The following PHF21A variants were observed in gnomAD, a reference collection of about 807,000 sequenced individuals.
The protein encoded by PHF21A is BHC80a.
Under a neutral mutation model 82.5 loss-of-function variants are expected in PHF21A, and 11 were observed. The observed-to-expected ratio is 0.13, with a 90% CI of 0.08 to 0.22. PHF21A has a LOEUF of 0.22. PHF21A is among the 10% of genes least tolerant of loss of function. The pLI is 1.00. For missense variants in PHF21A, 579 were observed against 837.8 expected, an observed-to-expected ratio of 0.69 and a Z score of 3.81; for synonymous variants, 297 against 302.8, an observed-to-expected ratio of 0.98 and a Z score of 0.20.
At chr11:46,108,571 A>G (rs906174108) in intron 1 of PHF21A, among the ~76,000 whole-genome samples, 2 of 135,978 alleles carry the variant, frequency 1.5e-5, no homozygotes, top group African/African-American at 5.2e-5. Flanking sequence ...GTGTGTGTAT[A>G]TATATATATA....
chr11:45,939,320 C>T (rs778711141), intron 15 of PHF21A, among the ~76,000 whole-genome samples: 4 of 152,242 alleles, frequency 2.6e-5, no homozygotes, highest in Non-Finnish European at 1.5e-5. Flanking sequence ...TTCTCATCAC[C>T]TATCAATTCT....
chr11:45,980,479 G>A lies in PHF21A; in HGVS notation c.154-513C>T, dbSNP rs377667851. Among the ~76,000 whole-genome samples, 9 of 152,314 alleles carry A rather than the reference G, an allele frequency of 5.9e-5. No individual in the cohort carries two copies. The East Asian group carries it at 1.5e-3, about 26-fold the overall frequency. On this transcript the variant is annotated intron_variant, in intron 6 of 18. Transcript: ENST00000676320. ...TGTTATATGGAAAGTACTCAGAACT[G>A]TGATTGGCACATTGTTGATCATTAT...
intron 10 of PHF21A, 42 bp downstream of exon 10, chr11:45,965,273 G>T: frequency 6.3e-7 from 1 of 1,576,946 alleles, no homozygotes; most frequent in Non-Finnish European, 8.7e-7. Flanking sequence ...ATGCCTCAAC[G>T]ACAAGGCTAC....
intron 6 of PHF21A, among the ~76,000 whole-genome samples, chr11:46,012,097 C>T (rs967692016): frequency 6.6e-5 from 10 of 152,170 alleles, no homozygotes; most frequent in East Asian, 3.9e-4. Flanking sequence ...CTGAGCTGTT[C>T]ATTACTACCG....
chr11:46,058,087 A>C (rs1401717429), intron 6 of PHF21A, among the ~76,000 whole-genome samples: 1 of 152,198 alleles, frequency 6.6e-6, no homozygotes, highest in Non-Finnish European at 1.5e-5. Flanking sequence ...TTAAATGTGA[A>C]GGATCTCACT....
At chr11:46,022,282 C>A (rs1224091585) in intron 6 of PHF21A, among the ~76,000 whole-genome samples, 1 of 151,996 alleles carries the variant, frequency 6.6e-6, no homozygotes, top group Non-Finnish European at 1.5e-5. Context: ...GCAAGACCCC[C>A]ATTTCTACAA....
chr11:46,058,220 A>G (rs773755538), intron 6 of PHF21A, among the ~76,000 whole-genome samples: 10 of 152,254 alleles, frequency 6.6e-5, no homozygotes, highest in Non-Finnish European at 1.2e-4. Flanking sequence ...TTAGATGTCA[A>G]GTATTATAAC....
At chr11:45,958,289 T>C (rs184161376) in intron 10 of PHF21A, among the ~76,000 whole-genome samples, 9 of 143,002 alleles carry the variant, frequency 6.3e-5, no homozygotes, top group Admixed American at 5.8e-4. Flanking sequence ...CACCAAAGAA[T>C]AGAAAATGGG....
intron 6 of PHF21A, among the ~76,000 whole-genome samples, chr11:46,005,239 T>A (rs955210979): frequency 6.6e-6 from 1 of 152,164 alleles, no homozygotes; most frequent in Non-Finnish European, 1.5e-5. Context: ...ACACCTGACC[T>A]CAAGTGATAG....
chr11:46,100,039 A>G (rs546319825), intron 1 of PHF21A, among the ~76,000 whole-genome samples: 10 of 152,224 alleles, frequency 6.6e-5, no homozygotes, highest in Non-Finnish European at 1.3e-4. Context: ...TGAGAAGTGG[A>G]AACAGCTACA....
chr11:46,021,633 T>C (rs1438150451), intron 6 of PHF21A, among the ~76,000 whole-genome samples: 1 of 146,362 alleles, frequency 6.8e-6, no homozygotes, highest in Non-Finnish European at 1.5e-5. Flanking sequence ...CCTTGAACTC[T>C]TGGGCTCAAG....
At chr11:46,028,072 T>C (rs2095788102) in intron 6 of PHF21A, among the ~76,000 whole-genome samples, 1 of 152,018 alleles carries the variant, frequency 6.6e-6, no homozygotes, top group African/African-American at 2.4e-5. Flanking sequence ...AATTCTTGAG[T>C]TGGAAATCTC....
intron 7 of PHF21A, among the ~76,000 whole-genome samples, chr11:45,977,237 A>G (rs770704025): frequency 2.0e-5 from 3 of 151,480 alleles, no homozygotes; most frequent in Non-Finnish European, 4.4e-5. Context: ...CCCGGGTTCA[A>G]GTGATTCTCA....
chr11:45,985,517 G>C (rs925685470), intron 6 of PHF21A, among the ~76,000 whole-genome samples: 1 of 152,192 alleles, frequency 6.6e-6, no homozygotes, highest in Admixed American at 6.5e-5. Context: ...ATCTGCACTG[G>C]AGTTATTGGA....
intron 9 of PHF21A, among the ~76,000 whole-genome samples, chr11:45,967,193 A>G (rs1423389082): frequency 6.6e-6 from 1 of 151,666 alleles, no homozygotes; most frequent in Non-Finnish European, 1.5e-5. Context: ...ACACAGTGAA[A>G]CCCATCTCTA....
intron 11 of PHF21A, 121 bp from the exon 12 acceptor site, chr11:45,950,378 G>A (rs1397647708): frequency 3.0e-6 from 2 of 667,358 alleles, no homozygotes; most frequent in Non-Finnish European, 2.6e-6. Context: ...GAATGCACAA[G>A]AGCAGGCATT....
At chr11:45,935,110 G>C in intron 18 of PHF21A, 12 of 1,289,018 alleles carry the variant, frequency 9.3e-6, no homozygotes, top group Non-Finnish European at 1.2e-5. Flanking sequence ...GCCGGGCTGG[G>C]CAGTACTTAC....
chr11:46,029,479 G>T, intron 6 of PHF21A, among the ~76,000 whole-genome samples: 1 of 152,168 alleles, frequency 6.6e-6, no homozygotes, highest in South Asian at 2.1e-4. Context: ...CTTGAGATCA[G>T]GAGTTCAAGA....
At chr11:46,035,329 GT>G (rs2095973990) in intron 6 of PHF21A, among the ~76,000 whole-genome samples, 1 of 152,118 alleles carries the variant, frequency 6.6e-6, no homozygotes, top group African/African-American at 2.4e-5. Flanking sequence ...TCATATGAAT[GT>G]TTTATTTTTA....
Sources: gnomAD v4.1 joint callset for allele counts (sites outside exome capture counted in the v4.1 genomes callset) on GRCh38, gnomAD v4.1.1 for gene constraint, MANE v1.5 for transcripts, NCBI Gene and HGNC (gene_info 2026-07-23, HGNC 2026-07-21) for gene names.